Variants in RIMS2 observed in about 807,000 individuals in gnomAD.
RIMS2 encodes regulating synaptic membrane exocytosis 2, also known as regulating synaptic membrane exocytosis protein 2.
Under a neutral mutation model 174.4 loss-of-function variants are expected in RIMS2, and 59 were observed. That is an observed-to-expected ratio of 0.34 (90% confidence interval 0.27 to 0.42). The LOEUF (loss-of-function observed/expected upper bound fraction) is 0.42, where lower values mean the gene tolerates loss of function less well. Ranked by LOEUF, RIMS2 falls within the 10% of genes least tolerant of loss-of-function variation. The pLI, the probability that RIMS2 is intolerant of heterozygous loss-of-function variation, is 1.00. For missense variants in RIMS2, 1,620 were observed against 1,666.3 expected (o/e 0.97, Z 0.48); for synonymous variants, 606 against 572.5 (o/e 1.06, Z -0.84).
chr8:104,101,551 T>C (rs2097902164), intron 19 of RIMS2, among the ~76,000 whole-genome samples: 1 of 151,966 alleles, frequency 6.6e-6, no homozygotes, highest in Non-Finnish European at 1.5e-5. Flanking sequence ...TATTTTGAGA[T>C]ACATATAGAT....
At chr8:104,208,130 A>G (rs1430464469) in intron 19 of RIMS2, among the ~76,000 whole-genome samples, 1 of 152,136 alleles carries the variant, frequency 6.6e-6, no homozygotes, top group East Asian at 1.9e-4. Flanking sequence ...CAAGCACTGG[A>G]TTATGATGCT....
chr8:103,794,535 T>A (rs1343540177), intron 3 of RIMS2, among the ~76,000 whole-genome samples: 2 of 152,152 alleles, frequency 1.3e-5, no homozygotes, highest in Admixed American at 1.3e-4. Flanking sequence ...AAGGACTTCA[T>A]GACTAAAACA....
chr8:103,637,792 T>C (rs2096123973), intron 1 of RIMS2, among the ~76,000 whole-genome samples: 1 of 151,570 alleles, frequency 6.6e-6, no homozygotes, highest in African/African-American at 2.4e-5. Flanking sequence ...ACTGACTTTC[T>C]TTTCCAGGAT....
At chr8:103,977,793 C>T (rs568126533) in intron 16 of RIMS2, among the ~76,000 whole-genome samples, 6 of 152,290 alleles carry the variant, frequency 3.9e-5, no homozygotes, top group Middle Eastern at 3.4e-3. Context: ...TCACAGAACT[C>T]AGTTAAACAC....
At chr8:103,602,195 G>C (rs1157045582) in intron 1 of RIMS2, among the ~76,000 whole-genome samples, 2 of 152,016 alleles carry the variant, frequency 1.3e-5, no homozygotes, top group Non-Finnish European at 2.9e-5. Context: ...CACCATGTTA[G>C]CCAGGATGGT....
At chr8:103,690,074 C>A (rs982434271) in intron 1 of RIMS2, among the ~76,000 whole-genome samples, 1 of 151,574 alleles carries the variant, frequency 6.6e-6, no homozygotes, top group Admixed American at 6.6e-5. Context: ...GATTCTACTG[C>A]CTCAGCCTTC....
intron 1 of RIMS2, among the ~76,000 whole-genome samples, chr8:103,594,461 C>T (rs958674324): frequency 2.0e-5 from 3 of 151,544 alleles, no homozygotes; most frequent in South Asian, 4.1e-4. Flanking sequence ...TAAACAGAAA[C>T]ACACACACAA....
At chr8:104,021,235 C>T (rs7821598) in intron 19 of RIMS2, among the ~76,000 whole-genome samples, 38,629 of 151,764 alleles carry the variant, frequency 0.25, 5,235 homozygotes, top group Non-Finnish European at 0.28. Flanking sequence ...TTTCTTACTG[C>T]GAAGTATTAA....
At chr8:104,121,981 AATAAT>A (rs1302649630) in intron 19 of RIMS2, among the ~76,000 whole-genome samples, 3 of 152,102 alleles carry the variant, frequency 2.0e-5, no homozygotes, top group African/African-American at 7.2e-5. Flanking sequence ...ATAAAAATAA[AATAAT>A]ATAATAGAAT....
At position 103,894,171 on chromosome 8, in the gene RIMS2, CTT is replaced by C. The variant is rs1326982144; in HGVS notation, c.1624+7949_1624+7950del. Among the ~76,000 whole-genome samples, 2 of 146,332 alleles carry C rather than the reference CTT, an allele frequency of 1.4e-5. 1 individual carries two copies. The highest frequency in any genetic ancestry group is 5.1e-5 in the African/African-American group (2 of 39,256). ...AAAAAAATAACTATTTTAAGAGAAA[CTT>C]ATACTGTGGTAAAGTTATTTCAACA... is the stretch of plus-strand genomic sequence containing the variant. On this transcript the variant is annotated intron_variant, in intron 4 of 23. Coordinates refer to ENST00000504942, the Ensembl canonical transcript of RIMS2.
chr8:103,839,873 A>G (rs1564856727), intron 3 of RIMS2, among the ~76,000 whole-genome samples: 1 of 152,236 alleles, frequency 6.6e-6, no homozygotes. Context: ...AAAAACAAAA[A>G]CAAAAACAAA....
At chr8:103,528,566 G>A (rs1835262681) in intron 1 of RIMS2, among the ~76,000 whole-genome samples, 1 of 152,168 alleles carries the variant, frequency 6.6e-6, no homozygotes, top group Non-Finnish European at 1.5e-5. Flanking sequence ...ATTAATTTTT[G>A]TGTAAGGTGT....
intron 19 of RIMS2, among the ~76,000 whole-genome samples, chr8:104,136,215 C>T (rs976898081): frequency 1.3e-5 from 2 of 152,124 alleles, no homozygotes; most frequent in East Asian, 3.9e-4. Context: ...TCTTATGTCT[C>T]TACTCTCACT....
intron 3 of RIMS2, among the ~76,000 whole-genome samples, chr8:103,799,588 G>A (rs927971227): frequency 6.6e-6 from 1 of 152,118 alleles, no homozygotes; most frequent in African/African-American, 2.4e-5. Context: ...TTAAGGATTT[G>A]TGATTTCCCA....
Position 103,886,097 on chromosome 8 carries a change from A to T in RIMS2, c.1498A>T (p.Lys500Ter). ...GAGACCTCCACCACCAAAGCCTCAT[A>T]AATCAAAGAAAGGCGGTAAAATGCG... Residue 500 changes from lysine to a stop codon, truncating the protein, a stop_gained, in exon 4 of 24, where the codon AAA (lysine) becomes TAA (stop). Transcript: ENST00000504942. LOFTEE classifies it high-confidence loss of function. 6.2e-7 allele frequency: 1 copy of T among 1,613,074 alleles called. No individual in the cohort carries two copies. Among genetic ancestry groups the T allele is most frequent in the Non-Finnish European group, 8.5e-7 (1 of 1,179,438 alleles).
chr8:104,198,972 A>C (rs2099039689), intron 19 of RIMS2, among the ~76,000 whole-genome samples: 1 of 152,246 alleles, frequency 6.6e-6, no homozygotes. Context: ...TACTTATATA[A>C]TGAATTGGAC....
intron 3 of RIMS2, among the ~76,000 whole-genome samples, chr8:103,848,232 T>C (rs907890168): frequency 2.0e-5 from 3 of 152,088 alleles, no homozygotes; most frequent in Non-Finnish European, 4.4e-5. Context: ...CATTACTTTA[T>C]TTCAAGGCCA....
intron 1 of RIMS2, 38 bp downstream of exon 2, chr8:103,652,275 C>G (rs577383347): frequency 3.9e-6 from 5 of 1,270,044 alleles, no homozygotes; most frequent in Non-Finnish European, 5.3e-6. Context: ...GGCTTGACTT[C>G]TGTACTTTTG....
At chr8:103,539,445 C>T (rs1171983258) in intron 1 of RIMS2, among the ~76,000 whole-genome samples, 2 of 152,080 alleles carry the variant, frequency 1.3e-5, no homozygotes, top group East Asian at 3.9e-4. Flanking sequence ...TATACTGAAG[C>T]AACAAAGTGG....
Sources: gnomAD v4.1 joint callset for allele counts (sites outside exome capture counted in the v4.1 genomes callset) on GRCh38, gnomAD v4.1.1 for gene constraint, MANE v1.5 for transcripts, NCBI Gene and HGNC (gene_info 2026-07-23, HGNC 2026-07-21) for gene names.